Variants in ALK observed in about 807,000 individuals in gnomAD.
ALK encodes the protein ALK tyrosine kinase receptor.
A neutral mutation model predicts 163.1 loss-of-function variants in ALK; 74 were observed. That is an observed-to-expected ratio of 0.45 (90% CI 0.38 to 0.55). The LOEUF (loss-of-function observed/expected upper bound fraction) is 0.55. Ranked by LOEUF, ALK falls within the 20% of genes least tolerant of loss-of-function variation. The probability of loss-of-function intolerance (pLI) is 0.00; values close to 1 mark genes in which losing one functional copy is unlikely to be tolerated. For synonymous variants in ALK, 960 were observed against 843.2 expected (o/e 1.14, Z -2.40); for missense variants, 2,063 against 2,105.3 (o/e 0.98, Z 0.39).
chr2:29,395,861 G>A (rs1279957163), intron 4 of ALK, among the ~76,000 whole-genome samples: 1 of 152,170 alleles, frequency 6.6e-6, no homozygotes, highest in African/African-American at 2.4e-5. Context: ...ATACCCTTTT[G>A]CCTAATCATA....
intron 26 of ALK, among the ~76,000 whole-genome samples, chr2:29,206,822 G>A (rs1381126467): frequency 4.6e-5 from 7 of 151,684 alleles, no homozygotes; most frequent in South Asian, 2.1e-4. Flanking sequence ...CTTTGTGAGG[G>A]GCATGTGTTC....
chr2:29,292,110 C>T (rs767787041), intron 9 of ALK, among the ~76,000 whole-genome samples: 5 of 152,214 alleles, frequency 3.3e-5, no homozygotes, highest in Non-Finnish European at 7.3e-5. Context: ...TAAATATCTC[C>T]AGAAGGAACA....
At chr2:29,524,478 A>T (rs998124899) in intron 4 of ALK, among the ~76,000 whole-genome samples, 66 of 152,242 alleles carry the variant, frequency 4.3e-4, no homozygotes, top group African/African-American at 1.4e-3. Context: ...GTTACCCATG[A>T]CTATAAGCAA....
intron 5 of ALK, among the ~76,000 whole-genome samples, chr2:29,375,841 G>C (rs1449857396): frequency 5.3e-5 from 8 of 152,136 alleles, no homozygotes; most frequent in Non-Finnish European, 7.3e-5. Context: ...TCCAGGAATG[G>C]AACACCTATT....
intron 8 of ALK, among the ~76,000 whole-genome samples, chr2:29,317,214 C>T (rs1666856349): frequency 6.6e-6 from 1 of 152,210 alleles, no homozygotes. Flanking sequence ...ACAATGTCTA[C>T]AACTTGACAG....
chr2:29,262,045 A>G (rs1347500257), intron 11 of ALK, among the ~76,000 whole-genome samples: 1 of 152,230 alleles, frequency 6.6e-6, no homozygotes, highest in Non-Finnish European at 1.5e-5. Flanking sequence ...GAGGCCTTCA[A>G]TTTCAATGGA....
intron 1 of ALK, among the ~76,000 whole-genome samples, chr2:29,802,058 C>A (rs183524731): frequency 3.3e-5 from 5 of 152,198 alleles, no homozygotes; most frequent in Admixed American, 1.3e-4. Flanking sequence ...GAAAATAATT[C>A]TGTTTAAATG....
intron 3 of ALK, among the ~76,000 whole-genome samples, chr2:29,616,316 A>T (rs1305417677): frequency 6.6e-6 from 1 of 152,210 alleles, no homozygotes; most frequent in African/African-American, 2.4e-5. Context: ...GATTATCAGC[A>T]GTGAATAAAG....
At chr2:29,798,130 A>G (rs773907668) in intron 1 of ALK, among the ~76,000 whole-genome samples, 5 of 152,236 alleles carry the variant, frequency 3.3e-5, no homozygotes, top group Non-Finnish European at 5.9e-5. Flanking sequence ...AGTGTCCTTC[A>G]TTACATCAGC....
At chr2:29,758,341 T>TAG (rs1410174301) in intron 1 of ALK, among the ~76,000 whole-genome samples, 12 of 152,102 alleles carry the variant, frequency 7.9e-5, no homozygotes, top group Non-Finnish European at 1.5e-4. Context: ...TCCCATCAGG[T>TAG]AGAGGAACAG....
chr2:29,611,468 C>A (rs1183608623), intron 3 of ALK, among the ~76,000 whole-genome samples: 1 of 152,158 alleles, frequency 6.6e-6, no homozygotes, highest in Non-Finnish European at 1.5e-5. Flanking sequence ...AGTTTTAAAT[C>A]CCTGGCTTTC....
At chr2:29,308,523 C>T (rs944157367) in intron 8 of ALK, among the ~76,000 whole-genome samples, 2 of 152,182 alleles carry the variant, frequency 1.3e-5, no homozygotes, top group African/African-American at 4.8e-5. Flanking sequence ...AGTTATTGTG[C>T]CTGTACTCTA....
chr2:29,705,975 C>G (rs1036652493), intron 2 of ALK, among the ~76,000 whole-genome samples: 2 of 152,132 alleles, frequency 1.3e-5, no homozygotes, highest in Non-Finnish European at 2.9e-5. Flanking sequence ...GGTGGAGAAA[C>G]GTGTGCTCCT....
At chr2:29,563,128 G>A (rs1014326955) in intron 3 of ALK, among the ~76,000 whole-genome samples, 3 of 152,158 alleles carry the variant, frequency 2.0e-5, no homozygotes, top group African/African-American at 7.2e-5. Flanking sequence ...TGCTTCTTAG[G>A]CAGCCTAACT....
At chr2:29,710,673 A>G (rs761345218) in intron 2 of ALK, among the ~76,000 whole-genome samples, 3 of 152,110 alleles carry the variant, frequency 2.0e-5, no homozygotes, top group Non-Finnish European at 2.9e-5. Context: ...ATGTGCACCC[A>G]GCTAATTTTT....
chr2:29,300,170 T>C (rs1202893420), intron 8 of ALK, among the ~76,000 whole-genome samples: 1 of 151,558 alleles, frequency 6.6e-6, no homozygotes, highest in Non-Finnish European at 1.5e-5. Context: ...AAGAGGGAGG[T>C]AAATAGACAA....
intron 3 of ALK, among the ~76,000 whole-genome samples, chr2:29,602,180 G>A (rs1404987957): frequency 1.3e-5 from 2 of 151,986 alleles, no homozygotes; most frequent in Admixed American, 1.3e-4. Context: ...TCATTTTCCT[G>A]GGGAAAATGG....
chr2:29,571,148 C>T (rs1573465395), intron 3 of ALK, among the ~76,000 whole-genome samples: 1 of 152,092 alleles, frequency 6.6e-6, no homozygotes, highest in Middle Eastern at 3.2e-3. Context: ...AAATGAACAG[C>T]TTTGCAGAGA....
chr2:29,412,265 T>C (rs1306859865), intron 4 of ALK, among the ~76,000 whole-genome samples: 1 of 152,226 alleles, frequency 6.6e-6, no homozygotes, highest in Non-Finnish European at 1.5e-5. Context: ...ATAGCACTTC[T>C]CCATTTCACT....
Sources: allele counts gnomAD v4.1 joint callset (sites outside exome capture counted in the v4.1 genomes callset), GRCh38; gene constraint gnomAD v4.1.1; transcripts MANE v1.5; gene names NCBI Gene and HGNC (gene_info 2026-07-23, HGNC 2026-07-21).